Variants in USP50 observed in about 807,000 individuals in gnomAD.
USP50 encodes ubiquitin specific peptidase 50, also known as ubiquitin carboxyl-terminal hydrolase 50.
Under a neutral mutation model 39.2 loss-of-function variants are expected in USP50, and 37 were observed. The observed-to-expected ratio is 0.94, with a 90% CI of 0.73 to 1.24. The LOEUF is 1.24. USP50 is among the 50% of genes most tolerant of loss of function. The pLI is 0.00. For missense variants in USP50, 374 were observed against 398.2 expected (o/e 0.94, Z 0.52); for synonymous variants, 139 against 144.5 (o/e 0.96, Z 0.27).
chr15:50,541,513 CA>C (rs949173430), intron 3 of USP50, among the ~76,000 whole-genome samples: 32 of 147,410 alleles, frequency 2.2e-4, no homozygotes, highest in African/African-American at 7.7e-4. Flanking sequence ...ACCATGTTTC[CA>C]AAAAAAAAGG....
At chr15:50,513,609 A>G (rs928537872) in intron 6 of USP50, 1 of 152,090 alleles carries the variant, frequency 6.6e-6, no homozygotes, top group East Asian at 1.9e-4. Flanking sequence ...CTACAATTCC[A>G]TAAGAAAAAG....
chr15:50,520,173 G>C (rs1254175492), intron 6 of USP50, among the ~76,000 whole-genome samples: 1 of 152,072 alleles, frequency 6.6e-6, no homozygotes, highest in Non-Finnish European at 1.5e-5. Flanking sequence ...GCTGGGCATG[G>C]TGGCCTATGC....
In USP50 at chr15:50,519,486, G is replaced by A. The variant is rs143378455; in HGVS notation, c.936+10311C>T. The stretch of plus-strand genomic sequence containing the variant: ...TCCCAGCACTTTGGGAGGCCGAGGC[G>A]GGTGGATCACGAGGTCAGCAGATCG... On this transcript the variant is annotated intron_variant, in intron 6 of 6. Transcript: ENST00000532404. 3.7e-3 allele frequency among the ~76,000 whole-genome samples: 566 copies of A among 151,958 alleles called. 3 individuals carry two copies. Among genetic ancestry groups the A allele is most frequent in the African/African-American group, 0.013 (544 of 41,474 alleles).
intron 4 of USP50, among the ~76,000 whole-genome samples, chr15:50,540,349 C>CT (rs2053018164): frequency 6.6e-6 from 1 of 152,116 alleles, no homozygotes; most frequent in South Asian, 2.1e-4. Context: ...GAGCTCAAGT[C>CT]TAAGAGTCTA....
intron 6 of USP50, chr15:50,510,895 G>C (rs1224058544): frequency 2.0e-5 from 3 of 152,110 alleles, no homozygotes; most frequent in Non-Finnish European, 4.4e-5. Flanking sequence ...TCCTGCCTCA[G>C]CCTCCTGAGT....
Position 50,523,783 on chromosome 15 carries a change from C to A in USP50, c.936+6014G>T, listed in dbSNP as rs190226535. 2.6e-5 allele frequency among the ~76,000 whole-genome samples: 4 copies of A among 152,132 alleles called. No homozygotes were observed. In the East Asian group the frequency reaches 7.7e-4, roughly 29 times the overall value. ...AATTTTACAGAAATAGAAAAAAATC[C>A]TTAAATTTATATGCAATGACAAAAG... On this transcript the variant is annotated intron_variant, in intron 6 of 6. Transcript: ENST00000532404.
chr15:50,498,055 C>T (rs974098233), downstream of USP50, among the ~76,000 whole-genome samples: 1 of 152,090 alleles, frequency 6.6e-6, no homozygotes, highest in Non-Finnish European at 1.5e-5. Flanking sequence ...TACACATTTG[C>T]TAAAATTTTT....
chr15:50,539,928 G>A (rs548156673), intron 4 of USP50, among the ~76,000 whole-genome samples: 5 of 152,168 alleles, frequency 3.3e-5, no homozygotes, highest in Non-Finnish European at 7.3e-5. Flanking sequence ...AGAAGAAGAA[G>A]AGCGCAGATT....
chr15:50,539,913 C>T (rs992798893), intron 4 of USP50, among the ~76,000 whole-genome samples: 30 of 152,166 alleles, frequency 2.0e-4, no homozygotes, highest in African/African-American at 7.0e-4. Flanking sequence ...AAACCATTAA[C>T]TGGAAGAAGA....
At chr15:50,498,571 G>T (rs375527268), downstream of USP50, 29 of 1,588,188 alleles carry the variant, frequency 1.8e-5, no homozygotes, top group African/African-American at 3.6e-4. Flanking sequence ...CTCTGTCAGT[G>T]TAATTGTAAT....
exon 2 of USP50, chr15:50,494,029 A>T: frequency 6.3e-7 from 1 of 1,589,244 alleles, no homozygotes; most frequent in Non-Finnish European, 8.6e-7. Flanking sequence ...TAACTTTTAA[A>T]TTTCCTTTAT....
intron 6 of USP50, chr15:50,511,044 C>T (rs143972256): frequency 0.068 from 10,307 of 152,304 alleles, 552 homozygotes; most frequent in African/African-American, 0.14. Flanking sequence ...TCCCAAAGTG[C>T]TGGGATTACA....
intron 1 of USP50, 142 bp downstream of exon 1, chr15:50,546,331 A>G (rs2053070544): frequency 1.3e-6 from 1 of 777,304 alleles, no homozygotes; most frequent in African/African-American, 1.7e-5. Context: ...TATTAGGTAC[A>G]ATCTTCCTTC....
chr15:50,538,607 C>T (rs1021031926), intron 5 of USP50, 102 bp downstream of exon 5: 28 of 1,216,548 alleles, frequency 2.3e-5, no homozygotes, highest in Non-Finnish European at 3.1e-5. Context: ...TACCAAATAT[C>T]ATTGAATTGT....
downstream of USP50, chr15:50,495,994 G>A: frequency 6.2e-7 from 1 of 1,613,940 alleles, no homozygotes; most frequent in Non-Finnish European, 8.5e-7. Context: ...CTACAGTACA[G>A]TGCCTCACAT....
At chr15:50,500,960 A>C (rs2052574446) in intron 6 of USP50, 123 bp from the exon 7 acceptor site, 1 of 839,254 alleles carries the variant, frequency 1.2e-6, no homozygotes, top group Admixed American at 2.2e-5. Flanking sequence ...AGGAAGTGAT[A>C]ATTTTGTTGT....
intron 6 of USP50, chr15:50,513,694 A>T: frequency 6.6e-6 from 1 of 151,564 alleles, no homozygotes. Flanking sequence ...AAATTTAAGT[A>T]GTTATTTAAA....
At chr15:50,493,897 G>A, downstream of USP50, 2 of 832,548 alleles carry the variant, frequency 2.4e-6, no homozygotes, top group Non-Finnish European at 4.1e-6. Flanking sequence ...CTGAAGGGAT[G>A]TAAGCAAGTC....
rs745649234 is a variant in USP50 at position 50,500,750 on chromosome 15, G to C, written c.*19C>G. 3.8e-6 allele frequency: 6 copies of C among 1,575,538 alleles called. No individual in the cohort carries two copies. In the South Asian group the frequency reaches 7.0e-5, roughly 18 times the overall value. On this transcript the variant is annotated 3_prime_UTR_variant, in exon 7 of 7. Coordinates refer to ENST00000532404, the MANE Select transcript of USP50 (RefSeq NM_203494.5). ...GAAGTATCTGGAATCTCACTGACTCGTGTGTTATCAAAGCTATATCAGGCC... is the reference window on the plus strand; with the variant it reads ...GAAGTATCTGGAATCTCACTGACTCCTGTGTTATCAAAGCTATATCAGGCC...
Sources: allele counts gnomAD v4.1 joint callset (sites outside exome capture counted in the v4.1 genomes callset), GRCh38; gene constraint gnomAD v4.1.1; transcripts MANE v1.5; gene names NCBI Gene and HGNC (gene_info 2026-07-23, HGNC 2026-07-21).